Variants in ODR4 observed in about 807,000 individuals in gnomAD.
ODR4 encodes the protein odr-4 GPCR localization factor homolog.
In ODR4, 47 loss-of-function variants were observed where a neutral mutation model predicts 60.2. The observed-to-expected ratio is 0.78, with a 90% CI of 0.62 to 1.00. The LOEUF is 1.00. Among genes scored for constraint, ODR4 ranks in the 50% least tolerant of loss-of-function variants. The pLI is 0.00. For synonymous variants in ODR4, 178 were observed against 175.5 expected (o/e 1.01, Z -0.11); for missense variants, 488 against 530.8 (o/e 0.92, Z 0.79).
the ODR4 span, among the ~76,000 whole-genome samples, chr1:186,433,655 A>G: frequency 1.3e-5 from 2 of 152,104 alleles, no homozygotes; most frequent in South Asian, 4.1e-4. Flanking sequence ...ATCTCAGCTC[A>G]CTGCAACCTC....
chr1:186,427,552 C>T, the ODR4 span, among the ~76,000 whole-genome samples: 2 of 152,156 alleles, frequency 1.3e-5, no homozygotes, highest in Non-Finnish European at 2.9e-5. Flanking sequence ...AGTCTTGAGC[C>T]CCCTCAGTCA....
At chr1:186,411,112 C>T (rs1007561715) in intron 12 of ODR4, among the ~76,000 whole-genome samples, 5 of 151,830 alleles carry the variant, frequency 3.3e-5, no homozygotes, top group African/African-American at 1.2e-4. Flanking sequence ...CTGAAATGCT[C>T]CAAAATTTGA....
rs796778198 is a variant in ODR4, at chr1:186,397,515, A to AT, written c.781-790dup. Among the ~76,000 whole-genome samples the AT allele has an allele frequency of 3.3e-5, 5 of 151,730 alleles. No homozygotes were observed. In the East Asian group the frequency reaches 5.8e-4, roughly 18 times the overall value. ...GGACCAGAAGTGTTTTGGGTTTGGG[A>AT]TTTTTTTTAGATTTTGTAATATTTG... is the stretch of plus-strand genomic sequence containing the variant. On this transcript the variant is annotated intron_variant, in intron 9 of 13. Transcript: ENST00000287859.
chr1:186,433,761 A>G, the ODR4 span, among the ~76,000 whole-genome samples: 1 of 151,980 alleles, frequency 6.6e-6, no homozygotes, highest in Non-Finnish European at 1.5e-5. Context: ...TTGTATTTTC[A>G]GTAGAGACGG....
intron 9 of ODR4, among the ~76,000 whole-genome samples, chr1:186,394,947 C>T (rs1660613823): frequency 1.3e-5 from 2 of 152,102 alleles, no homozygotes; most frequent in South Asian, 4.1e-4. Context: ...GTGCTTTTCA[C>T]TAGTTAGGCT....
intron 13 of ODR4, 53 bp downstream of exon 13, chr1:186,417,707 T>G: frequency 3.2e-6 from 3 of 948,118 alleles, no homozygotes; most frequent in Non-Finnish European, 4.9e-6. Flanking sequence ...GATTTGAGTT[T>G]TCTTGTTACT....
intron 9 of ODR4, among the ~76,000 whole-genome samples, chr1:186,396,252 T>G (rs935008400): frequency 2.0e-5 from 3 of 152,192 alleles, no homozygotes; most frequent in African/African-American, 7.2e-5. Flanking sequence ...GGAGTTTACA[T>G]TTGTAGACCC....
chr1:186,411,418 T>C (rs1661378474), intron 12 of ODR4, among the ~76,000 whole-genome samples: 2 of 152,218 alleles, frequency 1.3e-5, no homozygotes, highest in Admixed American at 1.3e-4. Context: ...TTCATAGTTT[T>C]GAATGATGTT....
chr1:186,420,663 AAG>A lies in ODR4; in HGVS notation c.*1591_*1592del, dbSNP rs1210802416. On this transcript the variant is annotated 3_prime_UTR_variant, in exon 14 of 14. Coordinates refer to ENST00000287859, the MANE Select transcript of ODR4 (RefSeq NM_017847.6). ...TTGAATATTTTATTAGACTCAGCTG[AAG>A]AGACAAGTGAACTAAACTATAAGCT... is the stretch of plus-strand genomic sequence containing the variant. The A allele has an allele frequency of 6.6e-6, 1 of 152,192 alleles. No homozygotes were observed. The highest frequency in any genetic ancestry group is 1.9e-4 in the East Asian group (1 of 5,186). 9.4% of individuals were successfully genotyped at this position (152,192 alleles called of 1,614,324 possible).
chr1:186,426,766 A>G, the ODR4 span, among the ~76,000 whole-genome samples: 13 of 152,210 alleles, frequency 8.5e-5, no homozygotes. Flanking sequence ...TGTCAAAAAA[A>G]GAAGATTGAA....
At chr1:186,409,165 C>A (rs1661280783) in intron 12 of ODR4, among the ~76,000 whole-genome samples, 1 of 151,252 alleles carries the variant, frequency 6.6e-6, no homozygotes, top group South Asian at 2.1e-4. Context: ...TGCCGTTCAG[C>A]CTGGGTGACA....
intron 8 of ODR4, among the ~76,000 whole-genome samples, chr1:186,392,534 G>A (rs1037433553): frequency 1.3e-5 from 2 of 152,180 alleles, no homozygotes; most frequent in African/African-American, 2.4e-5. Flanking sequence ...ACGAATGCAG[G>A]GGCCAGGCAT....
At chr1:186,410,875 C>T (rs967260649) in intron 12 of ODR4, among the ~76,000 whole-genome samples, 9 of 151,954 alleles carry the variant, frequency 5.9e-5, no homozygotes, top group East Asian at 1.9e-4. Context: ...GTTAGCCAGG[C>T]GTGGTGAGGC....
chr1:186,413,645 G>A (rs1315754046), intron 12 of ODR4, among the ~76,000 whole-genome samples: 1 of 152,090 alleles, frequency 6.6e-6, no homozygotes, highest in Non-Finnish European at 1.5e-5. Context: ...GCCAATATCA[G>A]AGCTGAGATT....
In ODR4 at chr1:186,419,314, T is replaced by G; in HGVS notation, c.*238T>G. The G allele has an allele frequency of 1.9e-6, 1 of 525,052 alleles. No homozygotes were observed. Among genetic ancestry groups the G allele is most frequent in the Non-Finnish European group, 3.4e-6 (1 of 294,052 alleles). 32.5% of individuals were successfully genotyped at this position (525,052 alleles called of 1,614,324 possible). Reference sequence around the variant, plus strand: ...GTTATGCATCTAGATGGAAGCTGCATGTAACAAATCATTATTATCTATTTT... The same window carrying G: ...GTTATGCATCTAGATGGAAGCTGCAGGTAACAAATCATTATTATCTATTTT... On this transcript the variant is annotated 3_prime_UTR_variant, in exon 14 of 14. Coordinates refer to ENST00000287859, the MANE Select transcript of ODR4 (RefSeq NM_017847.6).
At position 186,419,384 on chromosome 1, in the gene ODR4, A is replaced by G; in HGVS notation, c.*308A>G. ...GGATATGATCATAGATTTTAGTCTT[A>G]CTAATCTGAATCACATATTAATCAG... is the stretch of plus-strand genomic sequence containing the variant. On this transcript the variant is annotated 3_prime_UTR_variant, in exon 14 of 14. Coordinates refer to ENST00000287859, the MANE Select transcript of ODR4 (RefSeq NM_017847.6). 1 of 335,968 alleles carries G rather than the reference A, an allele frequency of 3.0e-6. No homozygotes were observed. The allele number at this position is 335,968 out of a possible 1,614,324, so 20.8% of individuals were successfully genotyped here.
rs192697617 is a variant in ODR4 at position 186,395,536 on chromosome 1, G to A, written c.780+1521G>A. On this transcript the variant is annotated intron_variant, in intron 9 of 13. Coordinates refer to ENST00000287859, the MANE Select transcript of ODR4 (RefSeq NM_017847.6). ...ACTTTTCTCCCAGTTAAGTCTTATT[G>A]ATTCCTTATTTGTAGTATTAAGCTT... Among the ~76,000 whole-genome samples the A allele has an allele frequency of 6.2e-3, 938 of 152,184 alleles. 2 individuals are homozygous for A. Among genetic ancestry groups the A allele is most frequent in the Non-Finnish European group, 9.7e-3 (659 of 67,994 alleles).
intron 11 of ODR4, chr1:186,400,942 T>A: frequency 8.4e-7 from 1 of 1,186,520 alleles, no homozygotes; most frequent in Non-Finnish European, 1.2e-6. Context: ...TTTTTGCAAT[T>A]TGACTTTGAG....
At chr1:186,394,074 T>G (rs1276495216) in intron 9 of ODR4, 59 bp downstream of exon 9, 2 of 994,216 alleles carry the variant, frequency 2.0e-6, no homozygotes, top group Non-Finnish European at 3.0e-6. Flanking sequence ...TGAAACTGTT[T>G]CTGTTTTTAT....
Sources: allele counts gnomAD v4.1 joint callset (sites outside exome capture counted in the v4.1 genomes callset), GRCh38; gene constraint gnomAD v4.1.1; transcripts MANE v1.5; gene names NCBI Gene and HGNC (gene_info 2026-07-23, HGNC 2026-07-21).